ANKMY1: variants seen among roughly 807,000 people sequenced by gnomAD.
The protein encoded by ANKMY1 is ankyrin repeat and MYND domain containing 1.
A neutral mutation model predicts 102.0 loss-of-function variants in ANKMY1; 98 were observed. The ratio of observed to expected loss-of-function variants is 0.96; its 90% CI spans 0.82 to 1.14. The LOEUF is 1.14. Ranked by LOEUF, ANKMY1 falls within the 50% of genes most tolerant of loss-of-function variation. ANKMY1 has a pLI of 0.00. For missense variants in ANKMY1, 1,330 were observed against 1,347.6 expected (o/e 0.99, Z 0.20); for synonymous variants, 582 against 559.9 (o/e 1.04, Z -0.56).
intron 12 of ANKMY1, among the ~76,000 whole-genome samples, chr2:240,508,367 G>A (rs1382501832): frequency 2.6e-5 from 4 of 152,238 alleles, no homozygotes; most frequent in Non-Finnish European, 4.4e-5. Context: ...GGATGACTCC[G>A]TGCAGGAGAG....
intron 7 of ANKMY1, among the ~76,000 whole-genome samples, chr2:240,525,127 T>C (rs78921846): frequency 0.016 from 2,419 of 152,360 alleles, 166 homozygotes; most frequent in Admixed American, 0.11. Context: ...TCCTGTTTTC[T>C]TACACATTGT....
the ANKMY1 span, among the ~76,000 whole-genome samples, chr2:240,469,006 G>A: frequency 6.6e-6 from 1 of 152,242 alleles, no homozygotes; most frequent in Non-Finnish European, 1.5e-5. Context: ...TGAGGGTGGG[G>A]TGGAGTCCTC....
At chr2:240,522,060 CTT>C (rs945928190) in intron 8 of ANKMY1, 1 of 151,986 alleles carries the variant, frequency 6.6e-6, no homozygotes, top group Non-Finnish European at 1.5e-5. Context: ...CTTTTATTCC[CTT>C]TTTTGGCCCC....
At chr2:240,519,356 G>A (rs895575090) in intron 9 of ANKMY1, among the ~76,000 whole-genome samples, 3 of 152,218 alleles carry the variant, frequency 2.0e-5, no homozygotes, top group African/African-American at 7.2e-5. Flanking sequence ...CAAGGGTTCA[G>A]GCAAAGGGAT....
At chr2:240,500,812 G>A (rs1268635829) in intron 13 of ANKMY1, among the ~76,000 whole-genome samples, 2 of 152,180 alleles carry the variant, frequency 1.3e-5, no homozygotes, top group African/African-American at 2.4e-5. Context: ...GCCACGCCTC[G>A]GGGAGCCCTC....
At chr2:240,526,050 AC>A in intron 6 of ANKMY1, 178 bp downstream of exon 6, 1 of 956,812 alleles carries the variant, frequency 1.0e-6, no homozygotes. Context: ...GCACTGGACC[AC>A]GAGTGTCACA....
At chr2:240,534,627 T>G (rs769610259) in intron 4 of ANKMY1, among the ~76,000 whole-genome samples, 9 of 152,126 alleles carry the variant, frequency 5.9e-5, no homozygotes, top group African/African-American at 2.2e-4. Flanking sequence ...ATCATAATAA[T>G]AGATTCAACC....
intron 4 of ANKMY1, among the ~76,000 whole-genome samples, chr2:240,533,374 G>A (rs987267515): frequency 2.0e-5 from 3 of 152,130 alleles, no homozygotes; most frequent in African/African-American, 7.2e-5. Flanking sequence ...TCTAAAATCA[G>A]AGTTGTACAA....
Position 240,529,321 on chromosome 2 carries a change from G to C in ANKMY1, c.669C>G (p.Leu223=). Residue 223 remains leucine, a synonymous_variant, in exon 5 of 18, where the codon CTC becomes CTG. Coordinates refer to ENST00000401804, the MANE Select transcript of ANKMY1 (RefSeq NM_001282771.3). The surrounding 1 kb of genome is among the most constrained non-coding windows in gnomAD (Gnocchi z 4.2). ...FITHSPARIS[L]SEEEKTEWGL... ...CCCACTCCGTTTTCTCCTCTTCTGA[G>C]AGGCTGATCCTGGCAGGGCTGTGGG... 6.2e-7 allele frequency: 1 copy of C among 1,614,212 alleles called. No individual in the cohort carries two copies. Among genetic ancestry groups the C allele is most frequent in the Non-Finnish European group, 8.5e-7 (1 of 1,180,042 alleles).
downstream of ANKMY1, among the ~76,000 whole-genome samples, chr2:240,475,676 A>C (rs1024353717): frequency 1.3e-5 from 2 of 151,906 alleles, no homozygotes; most frequent in Non-Finnish European, 2.9e-5. Flanking sequence ...TAGTGCATAA[A>C]AACACAACTA....
chr2:240,500,409 AC>A, intron 14 of ANKMY1, 42 bp downstream of exon 14: 1 of 1,573,548 alleles, frequency 6.4e-7, no homozygotes, highest in South Asian at 1.1e-5. Flanking sequence ...CCTGCACGTG[AC>A]CCACACTCCC....
intron 17 of ANKMY1, 137 bp from the exon 18 acceptor site, chr2:240,479,792 G>A (rs2075135376): frequency 4.0e-6 from 3 of 741,606 alleles, no homozygotes; most frequent in Non-Finnish European, 4.6e-6. Context: ...GCAAGGAGTC[G>A]GGATGCAGCA....
downstream of ANKMY1, among the ~76,000 whole-genome samples, chr2:240,476,992 T>A (rs1194298327): frequency 6.6e-6 from 1 of 152,322 alleles, no homozygotes; most frequent in East Asian, 1.9e-4. Context: ...AGAGTTCCCA[T>A]CCATCAGGAA....
At position 240,534,229 on chromosome 2, in the gene ANKMY1, G is replaced by A. The variant is rs553483265; in HGVS notation, c.481-4720C>T. 2.7e-4 allele frequency among the ~76,000 whole-genome samples: 41 copies of A among 152,312 alleles called. 1 individual carries two copies. In the East Asian group the frequency reaches 6.4e-3, roughly 24 times the overall value. ...ACTGGGGCTCTTGACATGCATCCTC[G>A]CCTAGAAGGCAGGACTTGACTCCTG... On this transcript the variant is annotated intron_variant, in intron 4 of 17. Transcript: ENST00000401804.
At chr2:240,507,455 C>T in intron 13 of ANKMY1, 105 bp downstream of exon 13, 1 of 1,389,948 alleles carries the variant, frequency 7.2e-7, no homozygotes, top group South Asian at 1.6e-5. Flanking sequence ...CACCCACTCC[C>T]CTCCCCGCTC....
chr2:240,496,422 T>G (rs4234126), intron 15 of ANKMY1, among the ~76,000 whole-genome samples: 39,790 of 151,862 alleles, frequency 0.26, 6,224 homozygotes, highest in East Asian at 0.67. Flanking sequence ...ATGTGCTTGA[T>G]GGTGTCCACT....
intron 15 of ANKMY1, among the ~76,000 whole-genome samples, chr2:240,482,824 T>C (rs1413507190): frequency 6.6e-6 from 1 of 152,216 alleles, no homozygotes; most frequent in Non-Finnish European, 1.5e-5. Context: ...GCTTGTATGG[T>C]TCAACTTCCT....
At chr2:240,517,521 G>T (rs986520644) in intron 9 of ANKMY1, among the ~76,000 whole-genome samples, 1 of 152,220 alleles carries the variant, frequency 6.6e-6, no homozygotes, top group Non-Finnish European at 1.5e-5. Flanking sequence ...TATAGGCAAT[G>T]ACTCTTGGCC....
intron 4 of ANKMY1, among the ~76,000 whole-genome samples, chr2:240,532,779 T>C (rs988115774): frequency 3.3e-5 from 5 of 152,158 alleles, no homozygotes; most frequent in African/African-American, 4.8e-5. Flanking sequence ...ATCCCCCCTA[T>C]ATATGTCCTC....
Sources: allele counts gnomAD v4.1 joint callset (sites outside exome capture counted in the v4.1 genomes callset), GRCh38; gene constraint gnomAD v4.1.1; non-coding constraint Gnocchi (gnomAD v3.1); transcripts MANE v1.5; gene names NCBI Gene and HGNC (gene_info 2026-07-23, HGNC 2026-07-21).